Variants in CAMKMT observed in about 807,000 individuals in gnomAD.
CAMKMT encodes calmodulin-lysine N-methyltransferase, also known as CaM KMT.
CAMKMT carries 53 observed loss-of-function variants against 48.0 expected under a neutral mutation model. That is an observed-to-expected ratio of 1.10 (90% CI 0.89 to 1.39). The LOEUF is 1.39. Among genes scored for constraint, CAMKMT ranks in the 40% most tolerant of loss-of-function variants. The pLI is 0.00. For missense variants in CAMKMT, 428 were observed against 402.7 expected, an observed-to-expected ratio of 1.06 and a Z score of -0.54; for synonymous variants, 165 against 152.3, an observed-to-expected ratio of 1.08 and a Z score of -0.61.
chr2:44,458,238 G>A (rs1324884566), intron 3 of CAMKMT, among the ~76,000 whole-genome samples: 1 of 151,840 alleles, frequency 6.6e-6, no homozygotes, highest in African/African-American at 2.4e-5. Context: ...GTAGAGACAG[G>A]GTTTCACCAT....
intron 3 of CAMKMT, among the ~76,000 whole-genome samples, chr2:44,477,727 A>G (rs571215012): frequency 1.3e-5 from 2 of 152,354 alleles, no homozygotes; most frequent in African/African-American, 4.8e-5. Context: ...GCACTAAAGA[A>G]TAGTCATTTG....
chr2:44,366,490 C>T (rs1023713939), intron 1 of CAMKMT, among the ~76,000 whole-genome samples: 1 of 152,086 alleles, frequency 6.6e-6, no homozygotes, highest in Admixed American at 6.6e-5. Flanking sequence ...TTGTATTGTT[C>T]ATCTTTTTAA....
At chr2:44,488,377 G>A (rs1669312001) in intron 3 of CAMKMT, among the ~76,000 whole-genome samples, 1 of 152,118 alleles carries the variant, frequency 6.6e-6, no homozygotes, top group South Asian at 2.1e-4. Context: ...GGTGGCGCAT[G>A]CCTGTAATCC....
intron 3 of CAMKMT, among the ~76,000 whole-genome samples, chr2:44,454,903 A>C (rs1667478795): frequency 6.6e-6 from 1 of 152,154 alleles, no homozygotes; most frequent in Non-Finnish European, 1.5e-5. Flanking sequence ...AATCCAGCTT[A>C]CTTCTAGCAA....
chr2:44,492,089 G>C (rs1419788384), intron 3 of CAMKMT, among the ~76,000 whole-genome samples: 1 of 151,870 alleles, frequency 6.6e-6, no homozygotes, highest in South Asian at 2.1e-4. Flanking sequence ...TTGAAGGACA[G>C]AGAAAAAAAG....
intron 3 of CAMKMT, among the ~76,000 whole-genome samples, chr2:44,651,177 A>T (rs1674041676): frequency 1.3e-5 from 2 of 152,194 alleles, no homozygotes; most frequent in African/African-American, 2.4e-5. Context: ...CTGGGAACTT[A>T]CCCTAACTAA....
intron 3 of CAMKMT, among the ~76,000 whole-genome samples, chr2:44,666,014 A>C (rs1674946364): frequency 1.3e-5 from 2 of 152,244 alleles, no homozygotes; most frequent in Admixed American, 1.3e-4. Context: ...TGAAAGAAAT[A>C]GGCAAGCCAT....
chr2:44,644,784 A>G (rs537767778), intron 3 of CAMKMT, among the ~76,000 whole-genome samples: 1 of 152,248 alleles, frequency 6.6e-6, no homozygotes, highest in East Asian at 1.9e-4. Context: ...TTTAAATGTA[A>G]TTGGTGCAAT....
At chr2:44,414,817 T>C (rs1343496968) in intron 3 of CAMKMT, among the ~76,000 whole-genome samples, 33 of 152,220 alleles carry the variant, frequency 2.2e-4, no homozygotes. Flanking sequence ...ACACTTGAAC[T>C]GTCTAGCATT....
In CAMKMT at chr2:44,511,120, C is replaced by T. The variant is rs574622796; in HGVS notation, c.376+120815C>T. Among the ~76,000 whole-genome samples the T allele has an allele frequency of 1.9e-4, 29 of 151,258 alleles. 1 individual carries two copies. In the South Asian group the frequency reaches 3.4e-3, roughly 18 times the overall value. ...CCTCCCAAAGTGCTGGGATTACAGGCGTGAGCCACTGTGCCTGGCCCATTA... is the reference window on the plus strand; with the variant it reads ...CCTCCCAAAGTGCTGGGATTACAGGTGTGAGCCACTGTGCCTGGCCCATTA... On this transcript the variant is annotated intron_variant, in intron 3 of 10. Transcript: ENST00000378494.
intron 3 of CAMKMT, among the ~76,000 whole-genome samples, chr2:44,623,196 A>C (rs1370234611): frequency 6.6e-6 from 1 of 151,988 alleles, no homozygotes; most frequent in Non-Finnish European, 1.5e-5. Flanking sequence ...TTGCTTGTTG[A>C]ATTAAGCTCC....
At chr2:44,527,029 C>T (rs369455697) in intron 3 of CAMKMT, among the ~76,000 whole-genome samples, 1 of 150,698 alleles carries the variant, frequency 6.6e-6, no homozygotes, top group African/African-American at 2.4e-5. Flanking sequence ...AAACCCTATA[C>T]CCATTAGCAG....
chr2:44,647,781 G>A (rs987737899), intron 3 of CAMKMT, among the ~76,000 whole-genome samples: 5 of 151,656 alleles, frequency 3.3e-5, no homozygotes, highest in East Asian at 1.9e-4. Flanking sequence ...GGTAGTGGGC[G>A]CCTGTAGTCC....
intron 4 of CAMKMT, among the ~76,000 whole-genome samples, 155 bp from the exon 5 acceptor site, chr2:44,706,132 C>T (rs1677543816): frequency 1.3e-5 from 2 of 152,142 alleles, no homozygotes; most frequent in Admixed American, 1.3e-4. Flanking sequence ...ATTTTTAAAA[C>T]GCAAAACGAC....
chr2:44,541,874 A>G lies in CAMKMT; in HGVS notation c.376+151569A>G, dbSNP rs192809489. Among the ~76,000 whole-genome samples, 371 of 152,286 alleles carry G rather than the reference A, an allele frequency of 2.4e-3. 2 individuals carry two copies. Among genetic ancestry groups the G allele is most frequent in the Non-Finnish European group, 3.7e-3 (249 of 68,028 alleles). ...GCCGGGCACGATGGCTCACGCCTATAATCTCAGCATTTGGGAGGCTGAGGC... is the reference window on the plus strand; with the variant it reads ...GCCGGGCACGATGGCTCACGCCTATGATCTCAGCATTTGGGAGGCTGAGGC... On this transcript the variant is annotated intron_variant, in intron 3 of 10. Transcript: ENST00000378494.
intron 3 of CAMKMT, among the ~76,000 whole-genome samples, chr2:44,590,261 T>C (rs1670179395): frequency 6.6e-6 from 1 of 152,242 alleles, no homozygotes. Flanking sequence ...ATTGGAGTAA[T>C]GCTTTCTTCA....
chr2:44,693,057 G>A (rs982003915), intron 3 of CAMKMT, among the ~76,000 whole-genome samples: 3 of 152,092 alleles, frequency 2.0e-5, no homozygotes, highest in Admixed American at 6.5e-5. Context: ...AGTCTTGTCA[G>A]TGTACCTTCT....
intron 3 of CAMKMT, among the ~76,000 whole-genome samples, chr2:44,392,585 A>G (rs1056182339): frequency 3.3e-5 from 5 of 152,200 alleles, no homozygotes; most frequent in East Asian, 3.9e-4. Flanking sequence ...ATAGCCCAAT[A>G]TAATTAGGAT....
At chr2:44,627,697 CTTTTTTTTTTTTTTTTTTT>C (rs1174344846) in intron 3 of CAMKMT, among the ~76,000 whole-genome samples, 1 of 75,098 alleles carries the variant, frequency 1.3e-5, no homozygotes, top group African/African-American at 6.0e-5. Context: ...CCATTTTATC[CTTTTTTTTTTTTTTTTTTT>C]TTTTTTTTTT....
Sources: allele counts gnomAD v4.1 joint callset (sites outside exome capture counted in the v4.1 genomes callset), GRCh38; gene constraint gnomAD v4.1.1; transcripts MANE v1.5; gene names NCBI Gene and HGNC (gene_info 2026-07-23, HGNC 2026-07-21).